The following DENND1B variants were observed in gnomAD, a reference collection of about 807,000 sequenced individuals.
DENND1B encodes DENN domain-containing protein 1B.
A neutral mutation model predicts 90.1 loss-of-function variants in DENND1B; 59 were observed. The ratio of observed to expected loss-of-function variants is 0.65; its 90% CI spans 0.53 to 0.81. The LOEUF (loss-of-function observed/expected upper bound fraction) is 0.81. Among genes scored for constraint, DENND1B ranks in the 40% least tolerant of loss-of-function variants. The probability of loss-of-function intolerance (pLI) is 0.00; values close to 1 mark genes in which losing one functional copy is unlikely to be tolerated. For synonymous variants in DENND1B, 337 were observed against 324.6 expected, an observed-to-expected ratio of 1.04 and a Z score of -0.41; for missense variants, 862 against 912.6, an observed-to-expected ratio of 0.94 and a Z score of 0.71.
At chr1:197,729,867 T>G (rs1202495423) in intron 2 of DENND1B, among the ~76,000 whole-genome samples, 1 of 152,142 alleles carries the variant, frequency 6.6e-6, no homozygotes, top group African/African-American at 2.4e-5. Context: ...AATCTTCAAG[T>G]ACACACTTCA....
rs78578977 is a variant in DENND1B, at chr1:197,511,754, T to C, written c.1789A>G (p.Met597Val). 1,303 of 1,608,678 alleles carry C rather than the reference T, an allele frequency of 8.1e-4. 11 individuals are homozygous for C. The East Asian group carries it at 0.024, about 29-fold the overall frequency. The change falls in exon 22 of 23, where the codon ATG becomes GTG. Residue 597 changes from methionine to valine, a missense_variant. Coordinates refer to ENST00000620048, the MANE Select transcript of DENND1B (RefSeq NM_001195215.2). Reference sequence around the variant, plus strand: ...GTAGGTTTGTAATCAATGTCATCCATTGATCTAAAGAAATCCAAGCTCTTT... The same window carrying C: ...GTAGGTTTGTAATCAATGTCATCCACTGATCTAAAGAAATCCAAGCTCTTT... The part of the protein sequence containing the change: ...AAKSLDFFRS[M>V]DDIDYKPTNK...
chr1:197,745,646 TA>T (rs566409554), intron 2 of DENND1B, among the ~76,000 whole-genome samples: 1,597 of 147,322 alleles, frequency 0.011, 31 homozygotes, highest in African/African-American at 0.037. Flanking sequence ...ATATAATATA[TA>T]TAATAATAAT....
intron 15 of DENND1B, among the ~76,000 whole-genome samples, chr1:197,553,605 T>C (rs963142486): frequency 1.3e-5 from 2 of 152,210 alleles, no homozygotes; most frequent in African/African-American, 4.8e-5. Context: ...ATCTGTGAGA[T>C]GTTAGACATT....
chr1:197,674,405 G>A (rs561848578), intron 3 of DENND1B, among the ~76,000 whole-genome samples: 1 of 152,158 alleles, frequency 6.6e-6, no homozygotes, highest in Admixed American at 6.6e-5. Flanking sequence ...TGGCCTGAAG[G>A]GTATTAACAC....
intron 16 of DENND1B, among the ~76,000 whole-genome samples, chr1:197,551,546 C>G (rs956472889): frequency 2.6e-5 from 4 of 152,010 alleles, no homozygotes; most frequent in African/African-American, 9.7e-5. Flanking sequence ...TTAGTGGGCC[C>G]TCCCACCAGA....
At chr1:197,705,104 G>T (rs1659398073) in intron 3 of DENND1B, among the ~76,000 whole-genome samples, 1 of 152,204 alleles carries the variant, frequency 6.6e-6, no homozygotes, top group Non-Finnish European at 1.5e-5. Context: ...TATAATTACT[G>T]AGGTAGCCGC....
intron 10 of DENND1B, among the ~76,000 whole-genome samples, chr1:197,635,745 T>C (rs1053844585): frequency 1.9e-4 from 29 of 152,166 alleles, no homozygotes; most frequent in African/African-American, 6.3e-4. Flanking sequence ...AATTCAGAGA[T>C]GAAAGATGTT....
At position 197,652,237 on chromosome 1, in the gene DENND1B, C is replaced by A; in HGVS notation, c.445G>T (p.Val149Leu). The change falls in exon 7 of 23, where the codon GTG becomes TTG. Residue 149 changes from valine (V) to leucine (L), a missense_variant and splice_region_variant. Coordinates refer to ENST00000620048, the MANE Select transcript of DENND1B (RefSeq NM_001195215.2). ...PKANTPVNLS[V>L]NQEIFIACEQ... The stretch of plus-strand genomic sequence containing the variant: ...ACAATTACTGATTGAATACTTACCA[C>A]ACTCAAATTTACAGGAGTATTTGCC... The A allele has an allele frequency of 6.2e-7, 1 of 1,609,666 alleles. No homozygotes were observed. Among genetic ancestry groups the A allele is most frequent in the Non-Finnish European group, 8.5e-7 (1 of 1,178,180 alleles).
intron 15 of DENND1B, among the ~76,000 whole-genome samples, chr1:197,580,544 G>A (rs186957667): frequency 2.6e-5 from 4 of 152,182 alleles, no homozygotes; most frequent in African/African-American, 9.6e-5. Context: ...CTCTTCCTGA[G>A]GTCTGGGGGC....
At chr1:197,699,739 AAT>A (rs1424085867) in intron 3 of DENND1B, among the ~76,000 whole-genome samples, 1 of 152,144 alleles carries the variant, frequency 6.6e-6, no homozygotes, top group African/African-American at 2.4e-5. Flanking sequence ...TCAATGTGCA[AAT>A]ATCACAAAGT....
chr1:197,693,831 T>C (rs1222639000), intron 3 of DENND1B, among the ~76,000 whole-genome samples: 1 of 151,468 alleles, frequency 6.6e-6, no homozygotes, highest in Admixed American at 6.6e-5. Context: ...CAGGGTAGAA[T>C]AACCCCCACA....
At chr1:197,672,236 A>G (rs1184602065) in intron 4 of DENND1B, 80 bp from the exon 5 acceptor site, 3 of 1,451,516 alleles carry the variant, frequency 2.1e-6, no homozygotes, top group Middle Eastern at 1.8e-4. Context: ...GAGTATATTT[A>G]TATGTGACAT....
intron 2 of DENND1B, among the ~76,000 whole-genome samples, chr1:197,741,025 A>G (rs929313141): frequency 1.4e-4 from 21 of 152,216 alleles, no homozygotes; most frequent in African/African-American, 5.1e-4. Flanking sequence ...AGAAAAGCAC[A>G]CAAAGCTTTT....
intron 15 of DENND1B, among the ~76,000 whole-genome samples, chr1:197,558,638 G>A (rs187779978): frequency 7.5e-4 from 114 of 151,870 alleles, no homozygotes; most frequent in Non-Finnish European, 1.5e-3. Context: ...ACTCAGGTTT[G>A]CAGGTTTCCT....
intron 16 of DENND1B, among the ~76,000 whole-genome samples, chr1:197,551,979 C>T (rs1386015036): frequency 3.3e-5 from 5 of 152,004 alleles, no homozygotes; most frequent in East Asian, 3.9e-4. Context: ...GATAAAGGTC[C>T]GCAACTACTG....
At chr1:197,692,480 A>G (rs1658005670) in intron 3 of DENND1B, among the ~76,000 whole-genome samples, 1 of 151,846 alleles carries the variant, frequency 6.6e-6, no homozygotes. Flanking sequence ...ACATGAAATT[A>G]GCAGTTATTT....
At chr1:197,657,143 T>C (rs1303736938) in intron 6 of DENND1B, among the ~76,000 whole-genome samples, 1 of 152,112 alleles carries the variant, frequency 6.6e-6, no homozygotes, top group Admixed American at 6.5e-5. Flanking sequence ...AAACCATAGA[T>C]TGGGATAGAA....
At chr1:197,777,725 G>A (rs766522373), upstream of DENND1B, among the ~76,000 whole-genome samples, 2 of 152,022 alleles carry the variant, frequency 1.3e-5, no homozygotes, top group Non-Finnish European at 2.9e-5. Flanking sequence ...CAGTTTTCAG[G>A]ACCATACCAG....
intron 2 of DENND1B, among the ~76,000 whole-genome samples, chr1:197,737,804 A>T (rs975065924): frequency 3.3e-5 from 5 of 151,446 alleles, no homozygotes; most frequent in Non-Finnish European, 7.4e-5. Context: ...AAGAAAAACA[A>T]GTAAAGCTAT....
Sources: allele counts gnomAD v4.1 joint callset (sites outside exome capture counted in the v4.1 genomes callset), GRCh38; gene constraint gnomAD v4.1.1; transcripts MANE v1.5; gene names NCBI Gene and HGNC (gene_info 2026-07-23, HGNC 2026-07-21).